KIZ: variants seen among roughly 807,000 people sequenced by gnomAD.
KIZ encodes centrosomal protein kizuna.
KIZ carries 68 observed loss-of-function variants against 79.6 expected under a neutral mutation model. That is an observed-to-expected ratio of 0.85 (90% CI 0.70 to 1.05). The LOEUF is 1.05. Among genes scored for constraint, KIZ ranks in the 50% least tolerant of loss-of-function variants. KIZ has a pLI of 0.00. For missense variants in KIZ, 797 were observed against 800.4 expected, an observed-to-expected ratio of 1.00 and a Z score of 0.05; for synonymous variants, 280 against 281.8, an observed-to-expected ratio of 0.99 and a Z score of 0.06.
chr20:21,202,865 G>A (rs925732807), intron 6 of KIZ, among the ~76,000 whole-genome samples: 9 of 151,870 alleles, frequency 5.9e-5, no homozygotes, highest in African/African-American at 9.7e-5. Flanking sequence ...TTAAACATTC[G>A]AAGTCTCATA....
chr20:21,203,942 C>T (rs574882552), intron 6 of KIZ, among the ~76,000 whole-genome samples: 17 of 152,098 alleles, frequency 1.1e-4, no homozygotes, highest in African/African-American at 3.6e-4. Flanking sequence ...TTAAACAACT[C>T]TCCATTTTCC....
chr20:21,190,111 T>C (rs1482315148), intron 6 of KIZ, among the ~76,000 whole-genome samples: 1 of 152,238 alleles, frequency 6.6e-6, no homozygotes, highest in Non-Finnish European at 1.5e-5. Flanking sequence ...CCATCGGGTG[T>C]CAGGCTTGAG....
At chr20:21,158,554 T>A (rs911507974) in intron 4 of KIZ, 3 of 152,206 alleles carry the variant, frequency 2.0e-5, no homozygotes, top group Non-Finnish European at 2.9e-5. Context: ...ATGCAGCTGT[T>A]AAAATTGGAT....
At chr20:21,191,835 G>C (rs1197468621) in intron 6 of KIZ, among the ~76,000 whole-genome samples, 1 of 148,716 alleles carries the variant, frequency 6.7e-6, no homozygotes, top group African/African-American at 2.5e-5. Context: ...GGTAGGGCTT[G>C]TTTAAAAGAA....
At chr20:21,135,408 G>C (rs1475261902) in intron 2 of KIZ, among the ~76,000 whole-genome samples, 2 of 152,192 alleles carry the variant, frequency 1.3e-5, no homozygotes, top group African/African-American at 4.8e-5. Context: ...CCAGCCTTCA[G>C]TTTTTATTCA....
At chr20:21,166,079 G>A in intron 6 of KIZ, 7 of 631,648 alleles carry the variant, frequency 1.1e-5, no homozygotes, top group South Asian at 4.0e-5. Flanking sequence ...CAATTCTCCT[G>A]CCTCAGCCTC....
intron 4 of KIZ, among the ~76,000 whole-genome samples, chr20:21,161,318 G>A (rs1277861300): frequency 6.6e-6 from 1 of 152,116 alleles, no homozygotes; most frequent in East Asian, 1.9e-4. Context: ...TTCAAAGCAT[G>A]TATTTCTTTT....
In KIZ at chr20:21,229,068, C is replaced by A. The variant is rs2036749229; in HGVS notation, c.1736C>A (p.Thr579Asn). 1 of 1,612,462 alleles carries A rather than the reference C, an allele frequency of 6.2e-7. No homozygotes were observed. The highest frequency in any genetic ancestry group is 1.7e-5 in the Admixed American group (1 of 59,902). ...ACCCTTCAGGATAATACAAATCAAA[C>A]TGAAAACAGGTTTCAAAAGACAGAT... ...KATLQDNTNQ[T>N]ENRFQKTDAS... is the part of the protein sequence containing the mutation. The change falls in exon 10 of 13, where the codon ACT becomes AAT. Residue 579 changes from threonine to asparagine, a missense_variant. Thr to Asn is a moderately conservative substitution (Grantham distance 65). Coordinates refer to ENST00000619189, the MANE Select transcript of KIZ (RefSeq NM_018474.6).
At chr20:21,158,384 A>G (rs904506152) in intron 4 of KIZ, 1 of 152,174 alleles carries the variant, frequency 6.6e-6, no homozygotes, top group African/African-American at 2.4e-5. Flanking sequence ...CAGTTCTAGA[A>G]AAGTATCCTA....
intron 12 of KIZ, chr20:21,246,274 A>G (rs937393474): frequency 1.8e-6 from 1 of 559,706 alleles, no homozygotes; most frequent in African/African-American, 1.9e-5. Context: ...TTTCCATAAC[A>G]GTGCAGAGGA....
intron 6 of KIZ, chr20:21,166,124 G>C (rs1170939684): frequency 1.2e-6 from 1 of 810,406 alleles, no homozygotes; most frequent in Non-Finnish European, 2.0e-6. Context: ...GTGCCGCCAT[G>C]CTTGGCTAAT....
chr20:21,177,988 A>T (rs1434914846), intron 6 of KIZ, among the ~76,000 whole-genome samples: 1 of 152,048 alleles, frequency 6.6e-6, no homozygotes, highest in African/African-American at 2.4e-5. Flanking sequence ...GTAGCTTTGT[A>T]ATATATTTTG....
At chr20:21,171,563 A>T (rs187142093) in intron 6 of KIZ, among the ~76,000 whole-genome samples, 40 of 152,148 alleles carry the variant, frequency 2.6e-4, no homozygotes, top group African/African-American at 9.6e-4. Context: ...CTGCCACCTC[A>T]CCCTCTTGAG....
chr20:21,204,868 T>C (rs1172625427), intron 6 of KIZ, among the ~76,000 whole-genome samples: 2 of 152,192 alleles, frequency 1.3e-5, no homozygotes, highest in Non-Finnish European at 2.9e-5. Context: ...ACAAAACATC[T>C]GCTGTTGAGA....
chr20:21,232,820 C>A lies in KIZ; in HGVS notation c.1870C>A (p.Pro624Thr). The change falls in exon 11 of 13, where the codon CCT becomes ACT. Residue 624 changes from proline (P) to threonine (T), a missense_variant. By Grantham distance (38) the Pro-to-Thr change is conservative (BLOSUM62 -1). Transcript: ENST00000619189. ...EASFSSSEGS[P>T]LSRHENKKKP... ...TAGTTTTTCATCTAGTGAAGGAAGTCCTTTGTCAAGGTAAAGTTGTGAAAG... is the reference window on the plus strand; with the variant it reads ...TAGTTTTTCATCTAGTGAAGGAAGTACTTTGTCAAGGTAAAGTTGTGAAAG... 1 of 1,519,888 alleles carries A rather than the reference C, an allele frequency of 6.6e-7. No individual in the cohort carries two copies. Among genetic ancestry groups the A allele is most frequent in the Non-Finnish European group, 9.1e-7 (1 of 1,104,480 alleles). The allele number at this position is 1,519,888 out of a possible 1,614,324, so 94.2% of individuals were successfully genotyped here.
Position 21,162,234 on chromosome 20 carries a change from AAC to A in KIZ, c.774_775del (p.Arg259SerfsTer5). 3.1e-6 allele frequency: 5 copies of A among 1,614,046 alleles called. No homozygotes were observed. Among genetic ancestry groups the A allele is most frequent in the Non-Finnish European group, 4.2e-6 (5 of 1,179,864 alleles). The stretch of plus-strand genomic sequence containing the variant: ...AACTCATTGCTTGGAGATAGGAAGT[AAC>A]ACACGTCATGGCAAGAGTAATTTAT... ...EQTHCLEIGS[N>X]TRHGKSNLSE... On this transcript the variant is annotated frameshift_variant, in exon 5 of 13. Transcript: ENST00000619189. LOFTEE classifies it high-confidence loss of function.
chr20:21,228,329 T>C (rs2036720840), intron 9 of KIZ, among the ~76,000 whole-genome samples: 1 of 152,186 alleles, frequency 6.6e-6, no homozygotes, highest in African/African-American at 2.4e-5. Flanking sequence ...CGTATTTTTG[T>C]TTACTGTTTT....
chr20:21,132,528 G>A (rs1377948236), intron 2 of KIZ, among the ~76,000 whole-genome samples: 1 of 151,722 alleles, frequency 6.6e-6, no homozygotes, highest in Non-Finnish European at 1.5e-5. Flanking sequence ...TGATCCCCAC[G>A]CTTCTGTCTC....
chr20:21,236,997 A>G lies in KIZ; in HGVS notation c.1880+4167A>G, dbSNP rs570369346. On this transcript the variant is annotated intron_variant, in intron 11 of 12. Transcript: ENST00000619189. ...TGGGCAATGGAGCAAGACTCTGTTT[A>G]AAAAAAAAAAAAAAAAAATGATGGC... Among the ~76,000 whole-genome samples, 489 of 127,366 alleles carry G rather than the reference A, an allele frequency of 3.8e-3. 1 individual carries two copies. The highest frequency in any genetic ancestry group is 6.6e-3 in the East Asian group (30 of 4,558). 83.6% of individuals were successfully genotyped at this position (127,366 alleles called of 152,430 possible).
Sources: allele counts gnomAD v4.1 joint callset (sites outside exome capture counted in the v4.1 genomes callset), GRCh38; gene constraint gnomAD v4.1.1; transcripts MANE v1.5; gene names NCBI Gene and HGNC (gene_info 2026-07-23, HGNC 2026-07-21).